PALM2AKAP2: variants seen among roughly 807,000 people sequenced by gnomAD.
PALM2AKAP2 encodes the protein PALM2 and AKAP2 fusion, also known as PALM2-AKAP2 fusion protein.
In PALM2AKAP2, 37 loss-of-function variants were observed where a neutral mutation model predicts 71.5. That is an observed-to-expected ratio of 0.52 (90% CI 0.40 to 0.68). The LOEUF (loss-of-function observed/expected upper bound fraction) is 0.68. PALM2AKAP2 is among the 30% of genes least tolerant of loss of function. The probability of loss-of-function intolerance (pLI) is 0.00; values close to 1 mark genes in which losing one functional copy is unlikely to be tolerated. For synonymous variants in PALM2AKAP2, 468 were observed against 478.8 expected, an observed-to-expected ratio of 0.98 and a Z score of 0.29; for missense variants, 1,224 against 1,191.8, an observed-to-expected ratio of 1.03 and a Z score of -0.40.
At chr9:109,685,486 C>T (rs1300401622) in intron 1 of PALM2AKAP2, among the ~76,000 whole-genome samples, 1 of 152,066 alleles carries the variant, frequency 6.6e-6, no homozygotes, top group African/African-American at 2.4e-5. Flanking sequence ...TTTATGTTTA[C>T]ACTATACTAT....
exon 2 of PALM2AKAP2, chr9:110,138,139 A>G (rs773996995): frequency 1.2e-6 from 2 of 1,613,986 alleles, no homozygotes; most frequent in East Asian, 2.2e-5. Flanking sequence ...CTCCTGTTCA[A>G]GAGAAAAGGG....
chr9:110,140,949 G>C lies in PALM2AKAP2; in HGVS notation c.2569+2410G>C, dbSNP rs910273520. ...TATATGCCATCAAATTGGTGATAAA[G>C]TTTCAACAAATGAATAATGGGGGGG... On this transcript the variant is annotated intron_variant, in intron 2 of 3. Coordinates refer to ENST00000374525, the Ensembl canonical transcript of PALM2AKAP2. Among the ~76,000 whole-genome samples, 5 of 152,310 alleles carry C rather than the reference G, an allele frequency of 3.3e-5. No individual in the cohort carries two copies. The East Asian group carries it at 5.8e-4, about 18-fold the overall frequency.
At chr9:110,047,137 G>C (rs929162578), upstream of PALM2AKAP2, among the ~76,000 whole-genome samples, 1 of 152,216 alleles carries the variant, frequency 6.6e-6, no homozygotes, top group African/African-American at 2.4e-5. Context: ...CAAGGCTGAA[G>C]CTCTGGCATC....
At chr9:110,056,166 G>A (rs1424603203) in intron 1 of PALM2AKAP2, among the ~76,000 whole-genome samples, 1 of 152,212 alleles carries the variant, frequency 6.6e-6, no homozygotes, top group East Asian at 1.9e-4. Flanking sequence ...CACCTGGTGA[G>A]GTGTGTGTAG....
At chr9:110,137,943 A>G in exon 2 of PALM2AKAP2, 3 of 1,614,142 alleles carry the variant, frequency 1.9e-6, no homozygotes, top group Non-Finnish European at 1.7e-6. Context: ...TTGGAGTATC[A>G]GGCTGGCCTC....
chr9:109,892,711 C>G (rs4978407), intron 3 of PALM2AKAP2, among the ~76,000 whole-genome samples: 8,862 of 152,160 alleles, frequency 0.058, 373 homozygotes, highest in Admixed American at 0.12. Context: ...TTCAGAATCT[C>G]TGCTTGCTGC....
intron 1 of PALM2AKAP2, among the ~76,000 whole-genome samples, chr9:109,822,993 C>T (rs1021538014): frequency 2.0e-5 from 3 of 152,212 alleles, no homozygotes; most frequent in African/African-American, 7.2e-5. Context: ...CTAGCTTCCT[C>T]TGCTTTCTGG....
At chr9:109,786,239 C>T (rs531896989) in intron 1 of PALM2AKAP2, among the ~76,000 whole-genome samples, 3 of 152,206 alleles carry the variant, frequency 2.0e-5, no homozygotes, top group Admixed American at 6.5e-5. Context: ...CCTTTTAGGC[C>T]GACCTGCACA....
chr9:110,077,999 G>C (rs1431431703), intron 1 of PALM2AKAP2, among the ~76,000 whole-genome samples: 2 of 149,390 alleles, frequency 1.3e-5, no homozygotes, highest in African/African-American at 5.0e-5. Flanking sequence ...GGGTGACAGA[G>C]TGAGACTCAG....
chr9:109,837,824 G>C (rs561651587), intron 1 of PALM2AKAP2, among the ~76,000 whole-genome samples: 2 of 152,298 alleles, frequency 1.3e-5, no homozygotes, highest in East Asian at 1.9e-4. Flanking sequence ...AACAAGAAGA[G>C]CTAACTATCC....
rs548557166 is a variant in PALM2AKAP2, at chr9:109,833,983, C to T, written c.46-33508C>T. Among the ~76,000 whole-genome samples, 16 of 152,262 alleles carry T rather than the reference C, an allele frequency of 1.1e-4. No homozygotes were observed. In the East Asian group the frequency reaches 2.3e-3, roughly 22 times the overall value. On this transcript the variant is annotated intron_variant, in intron 1 of 9. Transcript: ENST00000302798. ...AACCCAGGACTTCGGGAGGCCAAGG[C>T]GGGCAGATCACCTGAGGTCAGAAGT...
At chr9:110,140,443 A>G (rs911392133) in intron 2 of PALM2AKAP2, among the ~76,000 whole-genome samples, 1 of 152,170 alleles carries the variant, frequency 6.6e-6, no homozygotes, top group Non-Finnish European at 1.5e-5. Flanking sequence ...AGAAACAAAG[A>G]TCTGAGTGCT....
chr9:110,096,724 T>G (rs2118835311), intron 1 of PALM2AKAP2, among the ~76,000 whole-genome samples: 1 of 150,762 alleles, frequency 6.6e-6, no homozygotes, highest in East Asian at 1.9e-4. Flanking sequence ...CACCTAGAGG[T>G]GTACAGTCTA....
intron 1 of PALM2AKAP2, among the ~76,000 whole-genome samples, chr9:109,751,021 C>G (rs951335089): frequency 6.6e-6 from 1 of 152,142 alleles, no homozygotes; most frequent in African/African-American, 2.4e-5. Flanking sequence ...GCTTCCTAAG[C>G]AAACTGTACA....
At chr9:110,043,784 G>A (rs1303777304), upstream of PALM2AKAP2, among the ~76,000 whole-genome samples, 8 of 130,928 alleles carry the variant, frequency 6.1e-5, no homozygotes, top group African/African-American at 2.0e-4. Context: ...GCAGTGGCAC[G>A]ATCATGGCTA....
At chr9:109,881,469 G>A (rs1829848924) in intron 3 of PALM2AKAP2, among the ~76,000 whole-genome samples, 2 of 152,224 alleles carry the variant, frequency 1.3e-5, no homozygotes, top group South Asian at 2.1e-4. Flanking sequence ...GTAGTCAACA[G>A]TCTTGGGATT....
chr9:109,826,115 C>CA (rs1346334650), intron 1 of PALM2AKAP2, among the ~76,000 whole-genome samples: 3 of 141,860 alleles, frequency 2.1e-5, no homozygotes, highest in Admixed American at 7.7e-5. Context: ...ATCGCAAGGA[C>CA]AAAAAACCAA....
chr9:109,769,290 A>C (rs990036942), intron 1 of PALM2AKAP2, among the ~76,000 whole-genome samples: 5 of 152,146 alleles, frequency 3.3e-5, no homozygotes, highest in African/African-American at 1.2e-4. Context: ...AATGTTTTTA[A>C]ATAGTGGGAT....
At chr9:110,141,134 G>A (rs1016176112) in intron 2 of PALM2AKAP2, among the ~76,000 whole-genome samples, 10 of 151,868 alleles carry the variant, frequency 6.6e-5, no homozygotes, top group Admixed American at 2.0e-4. Flanking sequence ...TTCCCCCACC[G>A]GCTGTTGTCC....
Sources: allele counts gnomAD v4.1 joint callset (sites outside exome capture counted in the v4.1 genomes callset), GRCh38; gene constraint gnomAD v4.1.1; transcripts MANE v1.5; gene names NCBI Gene and HGNC (gene_info 2026-07-23, HGNC 2026-07-21).